STOX2: variants seen among roughly 807,000 people sequenced by gnomAD.
STOX2 encodes the protein storkhead box 2, also known as storkhead-box protein 2.
Under a neutral mutation model 60.9 loss-of-function variants are expected in STOX2, and 28 were observed. That is an observed-to-expected ratio of 0.46 (90% CI 0.34 to 0.63). STOX2 has a LOEUF of 0.63. Ranked by LOEUF, STOX2 falls within the 30% of genes least tolerant of loss-of-function variation. The pLI, the probability that STOX2 is intolerant of heterozygous loss-of-function variation, is 0.01. For synonymous variants in STOX2, 472 were observed against 463.9 expected (o/e 1.02, Z -0.22); for missense variants, 1,024 against 1,187.7 (o/e 0.86, Z 2.03).
chr4:183,907,229 G>A (rs956560685), intron 1 of STOX2, among the ~76,000 whole-genome samples: 1 of 152,216 alleles, frequency 6.6e-6, no homozygotes, highest in Admixed American at 6.5e-5. Flanking sequence ...ATGACTGCAA[G>A]CCCCGGCGCT....
chr4:183,864,462 C>T (rs1241839244), intron 1 of STOX2, among the ~76,000 whole-genome samples: 3 of 152,148 alleles, frequency 2.0e-5, no homozygotes, highest in African/African-American at 7.2e-5. Context: ...GGTGCACTCT[C>T]AGCTCACTGC....
chr4:184,016,852 G>A (rs1734395207), intron 3 of STOX2, among the ~76,000 whole-genome samples: 1 of 152,166 alleles, frequency 6.6e-6, no homozygotes, highest in South Asian at 2.1e-4. Flanking sequence ...AGTGCATTTA[G>A]CTATTTAAAA....
At chr4:183,967,040 ATGAG>A (rs1471782391) in intron 1 of STOX2, among the ~76,000 whole-genome samples, 1 of 152,162 alleles carries the variant, frequency 6.6e-6, no homozygotes, top group East Asian at 1.9e-4. Flanking sequence ...TGTAGTTGTT[ATGAG>A]TAGGAGGTGG....
chr4:184,006,644 T>C (rs1484991338), intron 2 of STOX2, among the ~76,000 whole-genome samples: 21 of 133,364 alleles, frequency 1.6e-4, no homozygotes, highest in Non-Finnish European at 3.1e-4. Flanking sequence ...GCTGAGATCT[T>C]GTCACTGCAC....
intron 1 of STOX2, among the ~76,000 whole-genome samples, chr4:183,964,699 C>T (rs1560908448): frequency 6.6e-6 from 1 of 152,222 alleles, no homozygotes; most frequent in Non-Finnish European, 1.5e-5. Context: ...TCTCCCACCT[C>T]AGGCTCCCAA....
chr4:183,887,572 C>T (rs1044192638), intron 1 of STOX2, among the ~76,000 whole-genome samples: 1 of 152,204 alleles, frequency 6.6e-6, no homozygotes, highest in African/African-American at 2.4e-5. Flanking sequence ...GCCCTGCATG[C>T]ACGCTCTTAT....
At chr4:183,982,201 A>C (rs1426818977) in intron 1 of STOX2, among the ~76,000 whole-genome samples, 1 of 152,224 alleles carries the variant, frequency 6.6e-6, no homozygotes, top group Non-Finnish European at 1.5e-5. Context: ...TCTTACCTGC[A>C]CTTATTCAGT....
chr4:184,016,859 A>T (rs1734395502), intron 3 of STOX2, among the ~76,000 whole-genome samples: 1 of 152,212 alleles, frequency 6.6e-6, no homozygotes. Flanking sequence ...TTAGCTATTT[A>T]AAAACCCTTT....
chr4:183,811,928 A>ATTTTT (rs529589265), intron 1 of STOX2, among the ~76,000 whole-genome samples: 3 of 129,700 alleles, frequency 2.3e-5, no homozygotes, highest in Non-Finnish European at 5.0e-5. Context: ...GAAAGCCTGG[A>ATTTTT]TTTTTTTTTT....
At chr4:183,923,902 C>T (rs1395137736) in intron 1 of STOX2, among the ~76,000 whole-genome samples, 1 of 152,176 alleles carries the variant, frequency 6.6e-6, no homozygotes, top group African/African-American at 2.4e-5. Context: ...AAGGTAGGAA[C>T]ACTCTGTAGA....
At chr4:183,887,564 C>A (rs1387601699) in intron 1 of STOX2, among the ~76,000 whole-genome samples, 1 of 152,124 alleles carries the variant, frequency 6.6e-6, no homozygotes, top group African/African-American at 2.4e-5. Flanking sequence ...TGCTGAGCGC[C>A]CTGCATGCAC....
At chr4:183,947,086 T>C (rs111739105) in intron 1 of STOX2, among the ~76,000 whole-genome samples, 1 of 13,350 alleles carries the variant, frequency 7.5e-5, no homozygotes, top group East Asian at 4.9e-3. Flanking sequence ...TGGTGGGGGG[T>C]GGGGCAAGGG....
intron 1 of STOX2, among the ~76,000 whole-genome samples, chr4:183,883,322 A>ATT (rs11458747): frequency 5.4e-5 from 8 of 148,236 alleles, no homozygotes; most frequent in African/African-American, 1.7e-4. Flanking sequence ...CATGTTATAA[A>ATT]TTTTTTTTTT....
Position 184,017,153 on chromosome 4 carries a change from G to A in STOX2, c.2650G>A (p.Ala884Thr), listed in dbSNP as rs200166663. 191 of 1,613,734 alleles carry A rather than the reference G, an allele frequency of 1.2e-4. No individual in the cohort carries two copies. Among genetic ancestry groups the A allele is most frequent in the East Asian group, 2.2e-4 (10 of 44,874 alleles). The part of the protein sequence containing the change: ...IVESNRRQNP[A>T]LSPAHGGAGP... Reference sequence around the variant, plus strand: ...TGAAAGTAACCGTCGTCAGAACCCCGCTTTGAGCCCGGCCCATGGTGGAGC... The same window carrying A: ...TGAAAGTAACCGTCGTCAGAACCCCACTTTGAGCCCGGCCCATGGTGGAGC... Residue 884 changes from alanine (A) to threonine (T), a missense_variant, in exon 4 of 4, where the codon GCT becomes ACT. Physicochemically the swap from Ala to Thr is moderately conservative, Grantham distance 58. Around this residue, in one of 3 missense-constraint regions of STOX2, gnomAD observed 922 missense variants for 1,058.3 expected, o/e 0.87. Transcript: ENST00000308497.
rs202004488 is a variant in STOX2, at chr4:183,929,866, T to TTTC, written c.166+22922_166+22924dup. ...CCAATTATCCTAGCTATATAACTTTTTTCTTCTTCTTCTTTGAGACGGAGT... is the reference window on the plus strand; with the variant it reads ...CCAATTATCCTAGCTATATAACTTTTTTCTTCTTCTTCTTCTTTGAGACGGAGT... On this transcript the variant is annotated intron_variant, in intron 1 of 3. Transcript: ENST00000308497. Among the ~76,000 whole-genome samples the TTTC allele has an allele frequency of 3.7e-3, 559 of 151,374 alleles. 15 individuals carry two copies. The highest frequency in any genetic ancestry group is 0.025 in the Admixed American group (382 of 15,282).
At chr4:183,827,509 TA>T (rs375186608) in intron 1 of STOX2, among the ~76,000 whole-genome samples, 1 of 150,938 alleles carries the variant, frequency 6.6e-6, no homozygotes, top group Non-Finnish European at 1.5e-5. Flanking sequence ...AAAATAAAAA[TA>T]AAAAAACAAA....
rs997624624 is a variant in STOX2 at position 184,019,144 on chromosome 4, T to G, written c.*1860T>G. 4.6e-5 allele frequency: 7 copies of G among 152,238 alleles called. No homozygotes were observed. Among genetic ancestry groups the G allele is most frequent in the Admixed American group, 6.5e-5 (1 of 15,286 alleles). 9.4% of individuals were successfully genotyped at this position (152,238 alleles called of 1,614,324 possible). On this transcript the variant is annotated 3_prime_UTR_variant, in exon 4 of 4. Coordinates refer to ENST00000308497, the MANE Select transcript of STOX2 (RefSeq NM_020225.3). ...TTGCATTGGGTCAAACTGAACTCCTTGAGTTTGGTGTAAATTCCTTTTTTC... is the reference window on the plus strand; with the variant it reads ...TTGCATTGGGTCAAACTGAACTCCTGGAGTTTGGTGTAAATTCCTTTTTTC...
chr4:183,812,153 A>G (rs570925942), intron 1 of STOX2, among the ~76,000 whole-genome samples: 11 of 152,256 alleles, frequency 7.2e-5, no homozygotes, highest in Admixed American at 1.3e-4. Flanking sequence ...GCAGGTCTCA[A>G]ACTCCTGAGC....
intron 1 of STOX2, among the ~76,000 whole-genome samples, chr4:183,874,648 C>T (rs892403874): frequency 6.0e-5 from 9 of 149,042 alleles, no homozygotes; most frequent in African/African-American, 9.8e-5. Flanking sequence ...ATATATTGGC[C>T]GGGCGCGGTG....
Sources: allele counts gnomAD v4.1 joint callset (sites outside exome capture counted in the v4.1 genomes callset), GRCh38; gene constraint gnomAD v4.1.1; regional missense constraint gnomAD v4.1.1; transcripts MANE v1.5; gene names NCBI Gene and HGNC (gene_info 2026-07-23, HGNC 2026-07-21).